The following DCC variants were observed in gnomAD, a reference collection of about 807,000 sequenced individuals.
DCC encodes netrin receptor DCC.
A neutral mutation model predicts 172.5 loss-of-function variants in DCC; 58 were observed. That is an observed-to-expected ratio of 0.34 (90% CI 0.27 to 0.42). The LOEUF (loss-of-function observed/expected upper bound fraction) is 0.42. Ranked by LOEUF, DCC falls within the 10% of genes least tolerant of loss-of-function variation. DCC has a pLI of 1.00. For synonymous variants in DCC, 709 were observed against 644.5 expected (o/e 1.10, Z -1.52); for missense variants, 1,740 against 1,791.0 (o/e 0.97, Z 0.51).
At chr18:52,821,157 AAAG>A (rs1392658251) in intron 2 of DCC, among the ~76,000 whole-genome samples, 1 of 152,174 alleles carries the variant, frequency 6.6e-6, no homozygotes, top group African/African-American at 2.4e-5. Context: ...AAATCAGAAA[AAAG>A]AATGCTGTCA....
intron 1 of DCC, among the ~76,000 whole-genome samples, chr18:52,707,560 A>T (rs1389937095): frequency 6.6e-6 from 1 of 152,250 alleles, no homozygotes; most frequent in Non-Finnish European, 1.5e-5. Context: ...AGGTATCTGC[A>T]GTTCCATGTT....
At chr18:52,468,079 T>C (rs1288937785) in intron 1 of DCC, among the ~76,000 whole-genome samples, 3 of 152,186 alleles carry the variant, frequency 2.0e-5, no homozygotes, top group Non-Finnish European at 4.4e-5. Context: ...GTTATGTTCA[T>C]TCATTCAAAG....
chr18:53,392,572 G>C (rs886687841), intron 17 of DCC, among the ~76,000 whole-genome samples: 1 of 152,008 alleles, frequency 6.6e-6, no homozygotes, highest in African/African-American at 2.4e-5. Flanking sequence ...CAGCCTCAGG[G>C]ATCATAACAA....
At chr18:52,778,493 A>G (rs934471355) in intron 2 of DCC, among the ~76,000 whole-genome samples, 2 of 152,196 alleles carry the variant, frequency 1.3e-5, no homozygotes, top group African/African-American at 4.8e-5. Flanking sequence ...ACATAAAAAT[A>G]AAGACATTCT....
chr18:52,370,261 T>C (rs1985058476), intron 1 of DCC, among the ~76,000 whole-genome samples: 1 of 152,292 alleles, frequency 6.6e-6, no homozygotes, highest in Admixed American at 6.5e-5. Context: ...CATTCTATTA[T>C]AAAGATAAAT....
chr18:52,799,647 G>C (rs1299351811), intron 2 of DCC, among the ~76,000 whole-genome samples: 1 of 152,134 alleles, frequency 6.6e-6, no homozygotes, highest in African/African-American at 2.4e-5. Context: ...TGGCACCCAT[G>C]AATCAGTATT....
chr18:52,346,572 T>A (rs1305355685), intron 1 of DCC, among the ~76,000 whole-genome samples: 3 of 152,194 alleles, frequency 2.0e-5, no homozygotes, highest in African/African-American at 7.2e-5. Flanking sequence ...TAGAAATACA[T>A]AATAATGCAT....
intron 5 of DCC, among the ~76,000 whole-genome samples, chr18:53,038,479 C>G (rs1008282708): frequency 6.6e-6 from 1 of 151,906 alleles, no homozygotes; most frequent in Non-Finnish European, 1.5e-5. Context: ...GGCTTCAACA[C>G]GCAAAGTTTA....
intron 7 of DCC, among the ~76,000 whole-genome samples, chr18:53,067,790 G>A (rs1220307352): frequency 6.6e-6 from 1 of 152,066 alleles, no homozygotes; most frequent in Non-Finnish European, 1.5e-5. Context: ...TCTTCCTTTT[G>A]ACATGGCTCG....
chr18:53,020,254 T>C (rs2041861406), intron 5 of DCC, among the ~76,000 whole-genome samples: 1 of 152,220 alleles, frequency 6.6e-6, no homozygotes, highest in Non-Finnish European at 1.5e-5. Flanking sequence ...TACTTTTGGC[T>C]TGATTTGGCC....
At chr18:52,783,398 C>T (rs1315747509) in intron 2 of DCC, among the ~76,000 whole-genome samples, 1 of 116,486 alleles carries the variant, frequency 8.6e-6, no homozygotes, top group African/African-American at 3.5e-5. Flanking sequence ...AATGCTATTG[C>T]TTTACACAAG....
At chr18:52,967,321 A>C (rs1283230731) in intron 5 of DCC, among the ~76,000 whole-genome samples, 5 of 152,160 alleles carry the variant, frequency 3.3e-5, no homozygotes, top group African/African-American at 9.7e-5. Context: ...GGTAGAGTTA[A>C]CTGAGTATGG....
intron 5 of DCC, among the ~76,000 whole-genome samples, chr18:52,990,538 CCCAAAAAA>C (rs1428697075): frequency 7.9e-5 from 6 of 76,282 alleles, no homozygotes; most frequent in South Asian, 5.1e-4. Context: ...AAAACTCCAT[CCCAAAAAA>C]AAAAAAAAAA....
intron 1 of DCC, among the ~76,000 whole-genome samples, chr18:52,487,233 C>T (rs750947000): frequency 2.6e-5 from 4 of 152,048 alleles, no homozygotes; most frequent in Non-Finnish European, 5.9e-5. Flanking sequence ...GTATCACAAC[C>T]AGTGACTAAG....
chr18:52,752,423 T>G (rs762713898), intron 2 of DCC, 49 bp downstream of exon 2: 1 of 1,410,678 alleles, frequency 7.1e-7, no homozygotes, highest in South Asian at 1.2e-5. Context: ...TCTCTTCTTC[T>G]TATTCATTTT....
chr18:52,417,887 C>T (rs1598802246), intron 1 of DCC, among the ~76,000 whole-genome samples: 1 of 152,366 alleles, frequency 6.6e-6, no homozygotes, highest in South Asian at 2.1e-4. Context: ...AAGTCATTCT[C>T]CGTCCAGCTT....
chr18:53,379,347 A>G (rs1455060762), intron 15 of DCC, among the ~76,000 whole-genome samples: 10 of 152,264 alleles, frequency 6.6e-5, no homozygotes, highest in Non-Finnish European at 1.5e-5. Flanking sequence ...TGTAATGAAT[A>G]AAGGACTCTG....
intron 1 of DCC, among the ~76,000 whole-genome samples, chr18:52,588,078 T>A (rs1005684320): frequency 6.6e-6 from 1 of 152,202 alleles, no homozygotes; most frequent in African/African-American, 2.4e-5. Context: ...GCATGGTGAC[T>A]TGGTGACCCA....
chr18:53,065,063 C>T (rs1310950983), intron 6 of DCC, among the ~76,000 whole-genome samples: 1 of 152,132 alleles, frequency 6.6e-6, no homozygotes, highest in East Asian at 1.9e-4. Context: ...AAAAATATTT[C>T]CTCAACAGCT....
Sources: allele counts gnomAD v4.1 joint callset (sites outside exome capture counted in the v4.1 genomes callset), GRCh38; gene constraint gnomAD v4.1.1; transcripts MANE v1.5; gene names NCBI Gene and HGNC (gene_info 2026-07-23, HGNC 2026-07-21).